The following MRPL42 variants were observed in gnomAD, a reference collection of about 807,000 sequenced individuals.
MRPL42 encodes mitochondrial ribosomal protein L42.
MRPL42 carries 17 observed loss-of-function variants against 17.9 expected under a neutral mutation model. The observed-to-expected ratio is 0.95, with a 90% CI of 0.65 to 1.42. The LOEUF (loss-of-function observed/expected upper bound fraction) is 1.42, where lower values mean the gene tolerates loss of function less well. Among genes scored for constraint, MRPL42 ranks in the 40% most tolerant of loss-of-function variants. The probability of loss-of-function intolerance (pLI) is 0.00; values close to 1 mark genes in which losing one functional copy is unlikely to be tolerated. For synonymous variants in MRPL42, 59 were observed against 54.4 expected (o/e 1.08, Z -0.37); for missense variants, 177 against 175.2 (o/e 1.01, Z -0.06).
In MRPL42 at chr12:93,477,712, G is replaced by T. The variant is rs1880250640; in HGVS notation, c.134+695G>T. 4.6e-5 allele frequency among the ~76,000 whole-genome samples: 7 copies of T among 152,192 alleles called. No homozygotes were observed. The South Asian group carries it at 1.5e-3, about 32-fold the overall frequency. On this transcript the variant is annotated intron_variant, in intron 3 of 5. Transcript: ENST00000549982. The stretch of plus-strand genomic sequence containing the variant: ...GGGTCTTGTTCTGTCACCCAGGCTG[G>T]AGAGCAGTGGTGTGATCTTGGCTCA...
chr12:93,469,366 T>A lies in MRPL42; in HGVS notation c.70+11T>A, dbSNP rs758281395. On this transcript the variant is annotated intron_variant, in intron 2 of 5. Transcript: ENST00000549982. ...TATTTCCAGTCCAAAGTAAGTGAAATTTTTTTTAATGTTTAAAAACTTTTA... is the reference window on the plus strand; with the variant it reads ...TATTTCCAGTCCAAAGTAAGTGAAAATTTTTTTAATGTTTAAAAACTTTTA... 6 of 1,573,302 alleles carry A rather than the reference T, an allele frequency of 3.8e-6. No homozygotes were observed. In the East Asian group the frequency reaches 6.8e-5, roughly 18 times the overall value.
intron 2 of MRPL42, among the ~76,000 whole-genome samples, chr12:93,472,902 A>T (rs1438330774): frequency 6.6e-6 from 1 of 152,208 alleles, no homozygotes; most frequent in Non-Finnish European, 1.5e-5. Flanking sequence ...TGTGGCCCTC[A>T]TAAGTTCACC....
rs987180162 is a variant in MRPL42 at position 93,507,323 on chromosome 12, T to C, written c.*6102T>C. 6.6e-6 allele frequency: 1 copy of C among 152,250 alleles called. No individual in the cohort carries two copies. The highest frequency in any genetic ancestry group is 2.4e-5 in the African/African-American group (1 of 41,468). The allele number at this position is 152,250 out of a possible 1,614,324, so 9.4% of individuals were successfully genotyped here. On this transcript the variant is annotated 3_prime_UTR_variant, in exon 6 of 6. Transcript: ENST00000549982. ...CACTCCACCTTATTTTCTGATTACA[T>C]TTGCAGGGAGAAATAACTCCTTACT...
In MRPL42 at chr12:93,515,225, G is replaced by A. The variant is rs1163837260; in HGVS notation, c.*14004G>A. 6.6e-6 allele frequency: 1 copy of A among 152,158 alleles called. No homozygotes were observed. Among genetic ancestry groups the A allele is most frequent in the Non-Finnish European group, 1.5e-5 (1 of 68,042 alleles). 9.4% of individuals were successfully genotyped at this position (152,158 alleles called of 1,614,324 possible). A position where few individuals can be genotyped will look rare whatever the true frequency, so the allele number is the denominator to read the frequency against. On this transcript the variant is annotated 3_prime_UTR_variant, in exon 6 of 6. Coordinates refer to ENST00000549982, the MANE Select transcript of MRPL42 (RefSeq NM_014050.4). Reference sequence around the variant, plus strand: ...GGAGGATGGGCTGGAACGGAAGCACGATGGACTCCTGGGCACACCGTTAAG... The same window carrying A: ...GGAGGATGGGCTGGAACGGAAGCACAATGGACTCCTGGGCACACCGTTAAG...
chr12:93,484,074 C>T (rs956993753), intron 4 of MRPL42, among the ~76,000 whole-genome samples: 1 of 152,068 alleles, frequency 6.6e-6, no homozygotes, highest in African/African-American at 2.4e-5. Flanking sequence ...GCTGTCATCT[C>T]CTATGATAAC....
chr12:93,504,490 A>T lies in MRPL42; in HGVS notation c.*3269A>T, dbSNP rs1953645267. 6.6e-6 allele frequency: 1 copy of T among 152,324 alleles called. No individual in the cohort carries two copies. The highest frequency in any genetic ancestry group is 2.1e-4 in the South Asian group (1 of 4,836). 9.4% of individuals were successfully genotyped at this position (152,324 alleles called of 1,614,324 possible). On this transcript the variant is annotated 3_prime_UTR_variant, in exon 6 of 6. Transcript: ENST00000549982. Reference sequence around the variant, plus strand: ...CAGTATATAGAAATATTTTCTCTTTAGTTCTATTAAAATTTTAAAAAATCT... The same window carrying T: ...CAGTATATAGAAATATTTTCTCTTTTGTTCTATTAAAATTTTAAAAAATCT...
At chr12:93,492,290 A>G (rs902607159) in intron 5 of MRPL42, among the ~76,000 whole-genome samples, 2 of 152,098 alleles carry the variant, frequency 1.3e-5, no homozygotes, top group Non-Finnish European at 2.9e-5. Context: ...TATTATTTTT[A>G]TCTATTTTTA....
rs995703338 is a variant in MRPL42, at chr12:93,501,905, G to GTT, written c.*687_*688dup. ...ATTAAATTAGTGATATTTTAATCAG[G>GTT]TTTTACTATCTGCTAGGCCCCTTCC... On this transcript the variant is annotated 3_prime_UTR_variant, in exon 6 of 6. Coordinates refer to ENST00000549982, the MANE Select transcript of MRPL42 (RefSeq NM_014050.4). 1.7e-5 allele frequency: 2 copies of GTT among 115,960 alleles called. No individual in the cohort carries two copies. The highest frequency in any genetic ancestry group is 9.6e-5 in the Admixed American group (1 of 10,430). The allele number at this position is 115,960 out of a possible 1,614,324, so 7.2% of individuals were successfully genotyped here. A position where few individuals can be genotyped will look rare whatever the true frequency, so the allele number is the denominator to read the frequency against.
At chr12:93,479,265 G>A in intron 3 of MRPL42, 123 bp from the exon 4 acceptor site, 1 of 451,226 alleles carries the variant, frequency 2.2e-6, no homozygotes, top group Non-Finnish European at 3.8e-6. Context: ...GCTTTAGGCT[G>A]GAGTGCCCAC....
In MRPL42 at chr12:93,513,146, T is replaced by C. The variant is rs959606574; in HGVS notation, c.*11925T>C. ...TCAATCTACCCTGGATTACATATTTTAACGAGAAAGAAACCAGCTCATTTG... is the reference window on the plus strand; with the variant it reads ...TCAATCTACCCTGGATTACATATTTCAACGAGAAAGAAACCAGCTCATTTG... On this transcript the variant is annotated 3_prime_UTR_variant, in exon 6 of 6. Coordinates refer to ENST00000549982, the MANE Select transcript of MRPL42 (RefSeq NM_014050.4). 2 of 151,122 alleles carry C rather than the reference T, an allele frequency of 1.3e-5. No individual in the cohort carries two copies. Among genetic ancestry groups the C allele is most frequent in the African/African-American group, 4.9e-5 (2 of 41,084 alleles). The allele number at this position is 151,122 out of a possible 1,614,324, so 9.4% of individuals were successfully genotyped here.
In MRPL42 at chr12:93,510,831, A is replaced by G. The variant is rs1953719248; in HGVS notation, c.*9610A>G. ...ATTTTGGATAAATCTTTTGTCAGAT[A>G]TATGCACTGGAAATATTTTTATGGG... On this transcript the variant is annotated 3_prime_UTR_variant, in exon 6 of 6. Coordinates refer to ENST00000549982, the MANE Select transcript of MRPL42 (RefSeq NM_014050.4). 1 of 152,224 alleles carries G rather than the reference A, an allele frequency of 6.6e-6. No individual in the cohort carries two copies. Among genetic ancestry groups the G allele is most frequent in the African/African-American group, 2.4e-5 (1 of 41,462 alleles). 9.4% of individuals were successfully genotyped at this position (152,224 alleles called of 1,614,324 possible).
intron 2 of MRPL42, among the ~76,000 whole-genome samples, chr12:93,472,868 A>T (rs2121167762): frequency 6.6e-6 from 1 of 152,276 alleles, no homozygotes; most frequent in African/African-American, 2.4e-5. Context: ...TATCCTCTTT[A>T]TGAAGGTAAA....
Position 93,510,565 on chromosome 12 carries a change from A to C in MRPL42, c.*9344A>C, listed in dbSNP as rs1953716801. ...TGTACCATTTTGCATTCCCACCAGC[A>C]GTGAATAAGGGTTCCTATTGCTCAA... is the stretch of plus-strand genomic sequence containing the variant. On this transcript the variant is annotated 3_prime_UTR_variant, in exon 6 of 6. Transcript: ENST00000549982. 6.6e-6 allele frequency: 1 copy of C among 152,234 alleles called. No individual in the cohort carries two copies. Among genetic ancestry groups the C allele is most frequent in the Non-Finnish European group, 1.5e-5 (1 of 68,060 alleles). 9.4% of individuals were successfully genotyped at this position (152,234 alleles called of 1,614,324 possible).
At chr12:93,499,452 A>C (rs1002444338) in intron 5 of MRPL42, among the ~76,000 whole-genome samples, 1 of 152,210 alleles carries the variant, frequency 6.6e-6, no homozygotes, top group African/African-American at 2.4e-5. Context: ...CACCTATTCA[A>C]AATTTTTACA....
At chr12:93,490,287 C>T (rs1032644412) in intron 5 of MRPL42, among the ~76,000 whole-genome samples, 1 of 152,184 alleles carries the variant, frequency 6.6e-6, no homozygotes, top group African/African-American at 2.4e-5. Context: ...CTTAATCTTA[C>T]TGCTAATCAG....
chr12:93,484,594 T>C (rs1880616870), intron 4 of MRPL42, among the ~76,000 whole-genome samples: 1 of 152,076 alleles, frequency 6.6e-6, no homozygotes, highest in Admixed American at 6.6e-5. Context: ...CTGTACATTG[T>C]TGACTAAAAC....
In MRPL42 at chr12:93,509,341, A is replaced by G. The variant is rs1346199541; in HGVS notation, c.*8120A>G. 8 of 152,224 alleles carry G rather than the reference A, an allele frequency of 5.3e-5. No individual in the cohort carries two copies. The East Asian group carries it at 1.3e-3, about 26-fold the overall frequency. The allele number at this position is 152,224 out of a possible 1,614,324, so 9.4% of individuals were successfully genotyped here. On this transcript the variant is annotated 3_prime_UTR_variant, in exon 6 of 6. Transcript: ENST00000549982. The stretch of plus-strand genomic sequence containing the variant: ...CCATTCTAATGGATATATAGTAATA[A>G]TTTGATGGTTTTAATTTGCATTTCT...
rs1953767108 is a variant in MRPL42 at position 93,515,108 on chromosome 12, A to G, written c.*13887A>G. On this transcript the variant is annotated 3_prime_UTR_variant, in exon 6 of 6. Coordinates refer to ENST00000549982, the MANE Select transcript of MRPL42 (RefSeq NM_014050.4). ...TCACTGATTTTTAATTTTACCATTT[A>G]AATGTTAGTAACAGCTGGTAATGTA... The G allele has an allele frequency of 6.6e-6, 1 of 152,174 alleles. No individual in the cohort carries two copies. The highest frequency in any genetic ancestry group is 1.5e-5 in the Non-Finnish European group (1 of 68,036). 9.4% of individuals were successfully genotyped at this position (152,174 alleles called of 1,614,324 possible).
At position 93,509,956 on chromosome 12, in the gene MRPL42, C is replaced by T. The variant is rs189340484; in HGVS notation, c.*8735C>T. On this transcript the variant is annotated 3_prime_UTR_variant, in exon 6 of 6. Coordinates refer to ENST00000549982, the MANE Select transcript of MRPL42 (RefSeq NM_014050.4). Reference sequence around the variant, plus strand: ...AACCTACACTGACACATCATTATCACCCAAAGCCTATTGTTTCCATTAGGG... The same window carrying T: ...AACCTACACTGACACATCATTATCATCCAAAGCCTATTGTTTCCATTAGGG... 6.6e-6 allele frequency: 1 copy of T among 152,114 alleles called. No homozygotes were observed. The highest frequency in any genetic ancestry group is 1.5e-5 in the Non-Finnish European group (1 of 68,050). 9.4% of individuals were successfully genotyped at this position (152,114 alleles called of 1,614,324 possible).
Sources: gnomAD v4.1 joint callset for allele counts (sites outside exome capture counted in the v4.1 genomes callset) on GRCh38, gnomAD v4.1.1 for gene constraint, MANE v1.5 for transcripts, NCBI Gene and HGNC (gene_info 2026-07-23, HGNC 2026-07-21) for gene names.